The following PPP1R14C variants were observed in gnomAD, a reference collection of about 807,000 sequenced individuals.
PPP1R14C encodes the protein protein phosphatase 1 regulatory subunit 14C.
In PPP1R14C, 16 loss-of-function variants were observed where a neutral mutation model predicts 20.4. The ratio of observed to expected loss-of-function variants is 0.78; its 90% CI spans 0.53 to 1.19. The LOEUF (loss-of-function observed/expected upper bound fraction) is 1.19. PPP1R14C is among the 50% of genes most tolerant of loss of function. The pLI, the probability that PPP1R14C is intolerant of heterozygous loss-of-function variation, is 0.00. For missense variants in PPP1R14C, 211 were observed against 220.1 expected, an observed-to-expected ratio of 0.96 and a Z score of 0.26; for synonymous variants, 91 against 91.0, an observed-to-expected ratio of 1.00 and a Z score of 0.00.
At chr6:150,210,986 G>A (rs1436529897) in intron 1 of PPP1R14C, among the ~76,000 whole-genome samples, 2 of 152,154 alleles carry the variant, frequency 1.3e-5, no homozygotes, top group Non-Finnish European at 2.9e-5. Context: ...TTGTCTCTTT[G>A]CCTCCTGCTA....
intron 1 of PPP1R14C, among the ~76,000 whole-genome samples, chr6:150,162,078 CG>C (rs1320632884): frequency 7.4e-6 from 1 of 135,744 alleles, no homozygotes; most frequent in Non-Finnish European, 1.6e-5. Flanking sequence ...TTTTTTGAGA[CG>C]GAGTCTTGGT....
chr6:150,151,112 TG>T (rs1458327540), intron 1 of PPP1R14C, among the ~76,000 whole-genome samples: 3 of 152,146 alleles, frequency 2.0e-5, no homozygotes, highest in African/African-American at 7.2e-5. Context: ...TGGCTTTAAT[TG>T]CTGTCCATAT....
At chr6:150,226,380 C>A (rs755858816) in intron 3 of PPP1R14C, among the ~76,000 whole-genome samples, 1 of 152,170 alleles carries the variant, frequency 6.6e-6, no homozygotes, top group Non-Finnish European at 1.5e-5. Flanking sequence ...CTTGTATTTG[C>A]ATGATCAGTA....
chr6:150,208,324 C>T (rs1403031655), intron 1 of PPP1R14C, among the ~76,000 whole-genome samples: 2 of 152,118 alleles, frequency 1.3e-5, no homozygotes, highest in African/African-American at 4.8e-5. Context: ...GACATTAATT[C>T]TCTATCTTCC....
chr6:150,218,260 G>A (rs529860725), intron 3 of PPP1R14C, among the ~76,000 whole-genome samples: 231 of 152,038 alleles, frequency 1.5e-3, no homozygotes, highest in African/African-American at 5.1e-3. Flanking sequence ...AAAATTAGCC[G>A]GGTGTGGTGG....
intron 2 of PPP1R14C, among the ~76,000 whole-genome samples, chr6:150,215,616 C>CA (rs1435243604): frequency 2.0e-5 from 3 of 152,190 alleles, no homozygotes; most frequent in African/African-American, 7.2e-5. Context: ...GAGTGGTGAA[C>CA]AGTCTCAATT....
intron 1 of PPP1R14C, among the ~76,000 whole-genome samples, chr6:150,191,865 T>A (rs943260162): frequency 6.6e-6 from 1 of 152,292 alleles, no homozygotes; most frequent in African/African-American, 2.4e-5. Flanking sequence ...TGCTGACTAT[T>A]CATGAAGGAA....
Position 150,230,110 on chromosome 6 carries a change from G to A in PPP1R14C, c.423+13254G>A, listed in dbSNP as rs111420904. 8.1e-3 allele frequency among the ~76,000 whole-genome samples: 1,232 copies of A among 152,224 alleles called. 14 individuals carry two copies. The highest frequency in any genetic ancestry group is 0.028 in the African/African-American group (1,144 of 41,524). On this transcript the variant is annotated intron_variant, in intron 3 of 3. Transcript: ENST00000361131. ...AATGCCTAGCTGGTTCTTTGGGTGA[G>A]GACATTTTGCCATTTGGAACAATTT...
chr6:150,144,342 CAG>C (rs1235159530), intron 1 of PPP1R14C, among the ~76,000 whole-genome samples: 3 of 152,240 alleles, frequency 2.0e-5, no homozygotes, highest in African/African-American at 7.2e-5. Flanking sequence ...ACACAAGTCT[CAG>C]GGACGTGTAT....
At chr6:150,215,588 T>C (rs536304398) in intron 2 of PPP1R14C, among the ~76,000 whole-genome samples, 2 of 152,354 alleles carry the variant, frequency 1.3e-5, no homozygotes, top group South Asian at 2.1e-4. Flanking sequence ...AATGCATTAG[T>C]TATTACTAGC....
intron 1 of PPP1R14C, among the ~76,000 whole-genome samples, chr6:150,163,868 T>C (rs758411919): frequency 6.6e-6 from 1 of 152,188 alleles, no homozygotes; most frequent in Admixed American, 6.5e-5. Context: ...TGAACCTATG[T>C]CTGCATTTCT....
At chr6:150,198,367 G>GGA (rs1168498427) in intron 1 of PPP1R14C, among the ~76,000 whole-genome samples, 1 of 152,222 alleles carries the variant, frequency 6.6e-6, no homozygotes, top group Non-Finnish European at 1.5e-5. Context: ...AGGAGGGCCT[G>GGA]GATGCCCGGC....
At chr6:150,169,498 A>T (rs1045274599) in intron 1 of PPP1R14C, among the ~76,000 whole-genome samples, 59 of 152,332 alleles carry the variant, frequency 3.9e-4, no homozygotes, top group Non-Finnish European at 4.1e-4. Flanking sequence ...GCAGAAAAAA[A>T]ATCATATTTA....
Position 150,143,102 on chromosome 6 carries a change from AT to A in PPP1R14C, c.-90del. On this transcript the variant is annotated 5_prime_UTR_variant, in exon 1 of 4. It removes an upstream start codon present in the reference 5' UTR. Coordinates refer to ENST00000361131, the MANE Select transcript of PPP1R14C (RefSeq NM_030949.3). This position sits in a 1 kb window ranked among gnomAD's most constrained non-coding sequence, Gnocchi z 5.6. ...GAGCAGGTGCCGGGGAGCCCTTCGC[AT>A]GCGGCTGCCGGGCCGGAGGTGGTAG... 8.7e-7 allele frequency: 1 copy of A among 1,146,530 alleles called. No individual in the cohort carries two copies. The highest frequency in any genetic ancestry group is 1.1e-6 in the Non-Finnish European group (1 of 937,550). The allele number at this position is 1,146,530 out of a possible 1,614,324, so 71.0% of individuals were successfully genotyped here.
Position 150,159,240 on chromosome 6 carries a change from T to A in PPP1R14C, c.306+15742T>A, listed in dbSNP as rs529902341. On this transcript the variant is annotated intron_variant, in intron 1 of 3. Transcript: ENST00000361131. ...TGCAGTTTAGGATATGTAAATTATA[T>A]CTCAGTAAAGTATTAGAACACAAAT... is the stretch of plus-strand genomic sequence containing the variant. 5.3e-5 allele frequency among the ~76,000 whole-genome samples: 8 copies of A among 152,360 alleles called. No homozygotes were observed. In the East Asian group the frequency reaches 1.5e-3, roughly 29 times the overall value.
At chr6:150,176,985 C>T (rs1029178269) in intron 1 of PPP1R14C, among the ~76,000 whole-genome samples, 2 of 152,250 alleles carry the variant, frequency 1.3e-5, no homozygotes, top group South Asian at 2.1e-4. Context: ...CTCTCCCTAC[C>T]TTCTGGCTGC....
At chr6:150,167,965 T>TTTCTCTCCTCCCC (rs1777443854) in intron 1 of PPP1R14C, among the ~76,000 whole-genome samples, 2 of 4,042 alleles carry the variant, frequency 4.9e-4, no homozygotes, top group African/African-American at 1.0e-3. Flanking sequence ...TCTCCTCCCC[T>TTTCTCTCCTCCCC]CTTTCTCTCC....
At chr6:150,165,655 G>A (rs1388904529) in intron 1 of PPP1R14C, among the ~76,000 whole-genome samples, 1 of 152,174 alleles carries the variant, frequency 6.6e-6, no homozygotes, top group Non-Finnish European at 1.5e-5. Context: ...AACACTCAGT[G>A]CAAGGAGGGT....
chr6:150,154,652 A>G (rs992815060), intron 1 of PPP1R14C, among the ~76,000 whole-genome samples: 3 of 152,228 alleles, frequency 2.0e-5, no homozygotes, highest in Non-Finnish European at 4.4e-5. Flanking sequence ...GGATTAGACT[A>G]GTTCACCAAA....
Sources: allele counts gnomAD v4.1 joint callset (sites outside exome capture counted in the v4.1 genomes callset), GRCh38; gene constraint gnomAD v4.1.1; non-coding constraint Gnocchi (gnomAD v3.1); transcripts MANE v1.5; gene names NCBI Gene and HGNC (gene_info 2026-07-23, HGNC 2026-07-21).